MECOM: variants seen among roughly 807,000 people sequenced by gnomAD.
MECOM encodes histone-lysine N-methyltransferase MECOM.
MECOM carries 13 observed loss-of-function variants against 116.3 expected under a neutral mutation model. The observed-to-expected ratio is 0.11, with a 90% CI of 0.07 to 0.18. The LOEUF (loss-of-function observed/expected upper bound fraction) is 0.18. Among genes scored for constraint, MECOM ranks in the 10% least tolerant of loss-of-function variants. MECOM has a pLI of 1.00. For synonymous variants in MECOM, 528 were observed against 535.2 expected (o/e 0.99, Z 0.19); for missense variants, 1,299 against 1,509.0 (o/e 0.86, Z 2.31).
intron 1 of MECOM, among the ~76,000 whole-genome samples, chr3:169,483,459 T>C (rs945583950): frequency 7.1e-6 from 1 of 140,488 alleles, no homozygotes; most frequent in Non-Finnish European, 1.5e-5. Context: ...CCTCTCCTTC[T>C]ACTCTGGTAT....
chr3:169,212,092 G>C (rs1338844281), intron 2 of MECOM, among the ~76,000 whole-genome samples: 6 of 152,046 alleles, frequency 3.9e-5, no homozygotes, highest in African/African-American at 1.4e-4. Flanking sequence ...CATGGGGCTT[G>C]AGAAATATAC....
chr3:169,220,046 A>T (rs1476381342), intron 2 of MECOM, among the ~76,000 whole-genome samples: 1 of 151,698 alleles, frequency 6.6e-6, no homozygotes, highest in Non-Finnish European at 1.5e-5. Flanking sequence ...AGAAAATAAG[A>T]CTGGGCACGG....
chr3:169,481,429 T>C (rs1476633634), intron 1 of MECOM, among the ~76,000 whole-genome samples: 2 of 152,106 alleles, frequency 1.3e-5, no homozygotes, highest in Non-Finnish European at 2.9e-5. Context: ...GGTACATGTC[T>C]ATAGTCCCAT....
At chr3:169,107,353 C>G (rs1219947287) in intron 10 of MECOM, among the ~76,000 whole-genome samples, 1 of 152,118 alleles carries the variant, frequency 6.6e-6, no homozygotes, top group African/African-American at 2.4e-5. Flanking sequence ...CTGACTGGAT[C>G]TGGAAATAGT....
chr3:169,644,702 A>C (rs1035980213), intron 1 of MECOM, among the ~76,000 whole-genome samples: 1 of 152,234 alleles, frequency 6.6e-6, no homozygotes. Context: ...AATTCTAAAA[A>C]TTATAAAACT....
Position 169,544,201 on chromosome 3 carries a change from T to G in MECOM, c.37+119135A>C, listed in dbSNP as rs187740898. Reference sequence around the variant, plus strand: ...CTGGTTACTAACTGGTTATCCCAGCTAGAATTGTTTACAAGGCTAAATGTG... The same window carrying G: ...CTGGTTACTAACTGGTTATCCCAGCGAGAATTGTTTACAAGGCTAAATGTG... On this transcript the variant is annotated intron_variant, in intron 1 of 16. Transcript: ENST00000651503. 3.7e-3 allele frequency among the ~76,000 whole-genome samples: 559 copies of G among 152,342 alleles called. 13 individuals are homozygous for G. The highest frequency in any genetic ancestry group is 0.035 in the Admixed American group (537 of 15,304).
intron 1 of MECOM, among the ~76,000 whole-genome samples, chr3:169,659,641 T>TA (rs1776019482): frequency 6.6e-6 from 1 of 152,016 alleles, no homozygotes; most frequent in Non-Finnish European, 1.5e-5. Flanking sequence ...CAATCTGAAA[T>TA]AAACAAATAA....
At chr3:169,177,993 G>T (rs534293208) in intron 2 of MECOM, among the ~76,000 whole-genome samples, 1 of 152,036 alleles carries the variant, frequency 6.6e-6, no homozygotes, top group South Asian at 2.1e-4. Context: ...AAAGAAGAAA[G>T]AACAGGTTTT....
chr3:169,208,895 C>CAAA lies in MECOM; in HGVS notation c.376-65066_376-65064dup, dbSNP rs11377362. 2.1e-3 allele frequency among the ~76,000 whole-genome samples: 275 copies of CAAA among 134,128 alleles called. 3 individuals are homozygous for CAAA. Among genetic ancestry groups the CAAA allele is most frequent in the African/African-American group, 3.8e-3 (138 of 36,196 alleles). 88.0% of individuals were successfully genotyped at this position (134,128 alleles called of 152,430 possible). On this transcript the variant is annotated intron_variant, in intron 2 of 16. Transcript: ENST00000651503. ...CCTGTATAGCCAAGACAATCGTAAG[C>CAAA]AAAAAAAAAAAAACAAAGCTGGAGA...
At chr3:169,658,510 C>T (rs1775812658) in intron 1 of MECOM, among the ~76,000 whole-genome samples, 1 of 152,216 alleles carries the variant, frequency 6.6e-6, no homozygotes, top group South Asian at 2.1e-4. Flanking sequence ...AACCCAGCTC[C>T]GAGGGAAGCA....
At chr3:169,357,268 G>A (rs899831785) in intron 2 of MECOM, among the ~76,000 whole-genome samples, 4 of 151,816 alleles carry the variant, frequency 2.6e-5, no homozygotes, top group African/African-American at 9.7e-5. Context: ...AGATTTTAAT[G>A]AGCAATTTTA....
intron 1 of MECOM, among the ~76,000 whole-genome samples, chr3:169,393,716 T>C (rs903764483): frequency 1.3e-5 from 2 of 152,160 alleles, no homozygotes; most frequent in Non-Finnish European, 2.9e-5. Flanking sequence ...TTTATTCTGG[T>C]AAACCTTCTT....
chr3:169,292,075 C>T (rs531363266), intron 2 of MECOM, among the ~76,000 whole-genome samples: 2 of 152,282 alleles, frequency 1.3e-5, no homozygotes, highest in East Asian at 3.9e-4. Flanking sequence ...GATTGGGGCT[C>T]ATGCTGGTAA....
At chr3:169,210,527 C>T (rs1003453713) in intron 2 of MECOM, among the ~76,000 whole-genome samples, 21 of 152,068 alleles carry the variant, frequency 1.4e-4, no homozygotes, top group Admixed American at 1.2e-3. Context: ...GGGCTATCAA[C>T]ATAATCAAGA....
intron 1 of MECOM, among the ~76,000 whole-genome samples, chr3:169,433,689 GAGAA>G (rs139174248): frequency 0.025 from 2,415 of 96,586 alleles, 28 homozygotes; most frequent in Non-Finnish European, 0.034. Flanking sequence ...AAGAAAGAAA[GAGAA>G]AGAAAGAAAA....
intron 1 of MECOM, among the ~76,000 whole-genome samples, chr3:169,634,153 T>G (rs572171821): frequency 1.3e-5 from 2 of 152,152 alleles, no homozygotes; most frequent in South Asian, 4.1e-4. Context: ...GAACTAACTT[T>G]AGGTCTTTTC....
At chr3:169,290,604 G>T (rs115574414) in intron 2 of MECOM, among the ~76,000 whole-genome samples, 2,905 of 152,252 alleles carry the variant, frequency 0.019, 79 homozygotes, top group African/African-American at 0.061. Context: ...TGTTTCAGAT[G>T]CTGTGGATGC....
chr3:169,530,655 G>A (rs77941151), intron 1 of MECOM, among the ~76,000 whole-genome samples: 10 of 152,016 alleles, frequency 6.6e-5, no homozygotes, highest in African/African-American at 2.2e-4. Context: ...GAGGAGGAGC[G>A]TAGACAGCCT....
intron 1 of MECOM, among the ~76,000 whole-genome samples, chr3:169,494,431 C>G (rs896467695): frequency 1.3e-5 from 2 of 152,018 alleles, no homozygotes; most frequent in Non-Finnish European, 2.9e-5. Context: ...AAACTGCTAC[C>G]CAAGAAGTCA....
Sources: gnomAD v4.1 joint callset for allele counts (sites outside exome capture counted in the v4.1 genomes callset) on GRCh38, gnomAD v4.1.1 for gene constraint, MANE v1.5 for transcripts, NCBI Gene and HGNC (gene_info 2026-07-23, HGNC 2026-07-21) for gene names.